Variants in HECW1 observed in about 807,000 individuals in gnomAD.
The protein encoded by HECW1 is HECT, C2 and WW domain containing E3 ubiquitin protein ligase 1, also known as E3 ubiquitin-protein ligase HECW1.
In HECW1, 61 loss-of-function variants were observed where a neutral mutation model predicts 182.3. The ratio of observed to expected loss-of-function variants is 0.33; its 90% confidence interval spans 0.27 to 0.41. The LOEUF is 0.41. HECW1 is among the 10% of genes least tolerant of loss of function. The pLI is 1.00. For missense variants in HECW1, 1,739 were observed against 2,108.9 expected, an observed-to-expected ratio of 0.82 and a Z score of 3.44; for synonymous variants, 859 against 832.6, an observed-to-expected ratio of 1.03 and a Z score of -0.55.
At chr7:43,473,763 G>A (rs781507539) in intron 16 of HECW1, among the ~76,000 whole-genome samples, 1 of 152,076 alleles carries the variant, frequency 6.6e-6, no homozygotes. Context: ...AGCTTAAAAG[G>A]CAACTGTTTG....
At chr7:43,141,787 C>T (rs115454867) in intron 2 of HECW1, among the ~76,000 whole-genome samples, 1,714 of 152,230 alleles carry the variant, frequency 0.011, 32 homozygotes, top group African/African-American at 0.04. Flanking sequence ...TGTGAACCAC[C>T]GCACCCGGTG....
At chr7:43,300,312 C>T (rs533757383) in intron 3 of HECW1, among the ~76,000 whole-genome samples, 13 of 152,276 alleles carry the variant, frequency 8.5e-5, no homozygotes, top group East Asian at 1.9e-4. Flanking sequence ...GTGGCTAAGG[C>T]GTGTGGCAGC....
chr7:43,523,409 C>T (rs2080605979), intron 24 of HECW1, among the ~76,000 whole-genome samples: 1 of 152,020 alleles, frequency 6.6e-6, no homozygotes, highest in South Asian at 2.1e-4. Flanking sequence ...TTTGAGGAGA[C>T]AATGTCAGAA....
At chr7:43,483,693 C>A (rs1287850789) in intron 17 of HECW1, among the ~76,000 whole-genome samples, 1 of 151,656 alleles carries the variant, frequency 6.6e-6, no homozygotes, top group Admixed American at 6.6e-5. Flanking sequence ...GGATTACAGG[C>A]GTGCACCACC....
At chr7:43,225,101 G>T (rs1453771111) in intron 2 of HECW1, among the ~76,000 whole-genome samples, 1 of 152,174 alleles carries the variant, frequency 6.6e-6, no homozygotes, top group African/African-American at 2.4e-5. Context: ...CACATTGGAG[G>T]TTTGTCAGGG....
intron 8 of HECW1, 69 bp from the exon 9 acceptor site, chr7:43,437,934 A>G: frequency 6.7e-7 from 1 of 1,500,940 alleles, no homozygotes; most frequent in African/African-American, 1.4e-5. Context: ...GCATCAAGGC[A>G]GATGGACTGG....
At chr7:43,443,131 C>T (rs2076941812) in intron 10 of HECW1, among the ~76,000 whole-genome samples, 1 of 152,196 alleles carries the variant, frequency 6.6e-6, no homozygotes, top group African/African-American at 2.4e-5. Flanking sequence ...ATCCAGTGTT[C>T]CATTTAATGC....
At chr7:43,434,665 C>T (rs1434521253) in intron 8 of HECW1, among the ~76,000 whole-genome samples, 2 of 152,076 alleles carry the variant, frequency 1.3e-5, no homozygotes. Flanking sequence ...TACATGGACT[C>T]CAGTAACCAT....
chr7:43,225,458 C>T (rs1384552064), intron 2 of HECW1, among the ~76,000 whole-genome samples: 2 of 151,908 alleles, frequency 1.3e-5, no homozygotes, highest in East Asian at 1.9e-4. Flanking sequence ...GGTAAGAAAG[C>T]GATTTGCTTG....
chr7:43,415,537 G>A (rs7457207), intron 8 of HECW1, among the ~76,000 whole-genome samples: 48,865 of 151,848 alleles, frequency 0.32, 8,473 homozygotes, highest in Middle Eastern at 0.46. Flanking sequence ...GAGTATCTTT[G>A]TGGCGTTCTC....
intron 2 of HECW1, among the ~76,000 whole-genome samples, chr7:43,142,924 C>T (rs1033048558): frequency 6.6e-5 from 10 of 152,300 alleles, no homozygotes; most frequent in Non-Finnish European, 1.0e-4. Flanking sequence ...CCCAGGCTGG[C>T]TCAGAGTGGT....
intron 2 of HECW1, among the ~76,000 whole-genome samples, chr7:43,214,465 T>G (rs1796271529): frequency 6.6e-6 from 1 of 152,202 alleles, no homozygotes; most frequent in Non-Finnish European, 1.5e-5. Flanking sequence ...AACTAGAGTT[T>G]CATGTGTGTG....
At chr7:43,293,250 A>G (rs1805641369) in intron 3 of HECW1, among the ~76,000 whole-genome samples, 1 of 151,860 alleles carries the variant, frequency 6.6e-6, no homozygotes, top group Non-Finnish European at 1.5e-5. Flanking sequence ...AAGAAAAGAA[A>G]AAAAAGAAAA....
At chr7:43,500,005 T>TA (rs145460728) in intron 19 of HECW1, among the ~76,000 whole-genome samples, 50 of 152,196 alleles carry the variant, frequency 3.3e-4, no homozygotes, top group African/African-American at 1.2e-3. Flanking sequence ...TGTGGCATCA[T>TA]AAATTTTCCA....
intron 6 of HECW1, among the ~76,000 whole-genome samples, chr7:43,379,899 G>T (rs2152826623): frequency 6.6e-6 from 1 of 152,256 alleles, no homozygotes. Flanking sequence ...CAGCCTCCAG[G>T]GGCAGAGATG....
chr7:43,189,192 A>G (rs1307041780), intron 2 of HECW1, among the ~76,000 whole-genome samples: 3 of 152,224 alleles, frequency 2.0e-5, no homozygotes, highest in African/African-American at 4.8e-5. Context: ...ACAGAAAGAA[A>G]GAACAAATCT....
At chr7:43,500,071 T>C (rs2079279096) in intron 19 of HECW1, among the ~76,000 whole-genome samples, 1 of 151,726 alleles carries the variant, frequency 6.6e-6, no homozygotes, top group Non-Finnish European at 1.5e-5. Context: ...TTTCCTCCCA[T>C]GGCTTCCAAC....
chr7:43,265,169 G>T (rs1423608746), intron 3 of HECW1, among the ~76,000 whole-genome samples: 4 of 152,156 alleles, frequency 2.6e-5, no homozygotes, highest in Non-Finnish European at 5.9e-5. Context: ...CGGGAGGGTA[G>T]CTCTGCTCAT....
chr7:43,499,342 G>A (rs1338185977), intron 19 of HECW1, among the ~76,000 whole-genome samples: 1 of 151,984 alleles, frequency 6.6e-6, no homozygotes, highest in Non-Finnish European at 1.5e-5. Flanking sequence ...GGCGGTGCAT[G>A]CCTATAATCC....
Sources: gnomAD v4.1 joint callset for allele counts (sites outside exome capture counted in the v4.1 genomes callset) on GRCh38, gnomAD v4.1.1 for gene constraint, MANE v1.5 for transcripts, NCBI Gene and HGNC (gene_info 2026-07-23, HGNC 2026-07-21) for gene names.